Variants in TRPM3 observed in about 807,000 individuals in gnomAD.
TRPM3 encodes transient receptor potential cation channel subfamily M member 3.
A neutral mutation model predicts 181.2 loss-of-function variants in TRPM3; 77 were observed. The observed-to-expected ratio is 0.42, with a 90% CI of 0.35 to 0.51. The LOEUF (loss-of-function observed/expected upper bound fraction) is 0.51, where lower values mean the gene tolerates loss of function less well. Among genes scored for constraint, TRPM3 ranks in the 20% least tolerant of loss-of-function variants. The pLI is 0.01. For missense variants in TRPM3, 1,759 were observed against 2,196.7 expected (o/e 0.80, Z 3.98); for synonymous variants, 745 against 796.4 (o/e 0.94, Z 1.09).
chr9:70,626,397 AT>A (rs1328699571), intron 12 of TRPM3, among the ~76,000 whole-genome samples: 1 of 152,120 alleles, frequency 6.6e-6, no homozygotes. Context: ...CCTTAGATCT[AT>A]TTGGGACAGA....
chr9:71,232,350 G>A (rs112808707), intron 1 of TRPM3, among the ~76,000 whole-genome samples: 2,513 of 152,126 alleles, frequency 0.017, 41 homozygotes, highest in South Asian at 0.027. Flanking sequence ...AACTGAAGCC[G>A]ATATGATTCC....
At chr9:70,649,002 T>A (rs1414397374) in intron 9 of TRPM3, among the ~76,000 whole-genome samples, 1 of 152,154 alleles carries the variant, frequency 6.6e-6, no homozygotes, top group Non-Finnish European at 1.5e-5. Flanking sequence ...GAGACCTAAT[T>A]AACCTAAGGA....
At chr9:71,015,323 A>G (rs1308726207) in intron 1 of TRPM3, among the ~76,000 whole-genome samples, 2 of 152,336 alleles carry the variant, frequency 1.3e-5, no homozygotes, top group East Asian at 3.9e-4. Flanking sequence ...GTAGCTACTC[A>G]AAAGAGAATT....
intron 6 of TRPM3, among the ~76,000 whole-genome samples, chr9:70,798,169 A>G (rs2087766301): frequency 1.3e-5 from 2 of 152,122 alleles, no homozygotes; most frequent in African/African-American, 4.8e-5. Context: ...ATCCTCCAAC[A>G]TCAGCCTACA....
intron 19 of TRPM3, among the ~76,000 whole-genome samples, chr9:70,605,112 G>A (rs1478480259): frequency 1.3e-5 from 2 of 151,754 alleles, no homozygotes; most frequent in Admixed American, 6.6e-5. Context: ...CCATTACCAC[G>A]TCTGGCTAAT....
intron 21 of TRPM3, among the ~76,000 whole-genome samples, chr9:70,594,201 T>C: frequency 6.6e-6 from 1 of 151,838 alleles, no homozygotes; most frequent in Middle Eastern, 3.4e-3. Flanking sequence ...ATTTTATTTG[T>C]AAAATAGGAA....
intron 1 of TRPM3, among the ~76,000 whole-genome samples, chr9:71,018,042 TG>T (rs1412295997): frequency 6.6e-6 from 1 of 151,894 alleles, no homozygotes; most frequent in African/African-American, 2.4e-5. Flanking sequence ...GATCCCCCGC[TG>T]TTTAAGATCT....
chr9:71,330,808 A>G (rs1338152837), intron 1 of TRPM3, among the ~76,000 whole-genome samples: 5 of 151,826 alleles, frequency 3.3e-5, no homozygotes, highest in Admixed American at 3.3e-4. Context: ...CAGATACAGG[A>G]GGCAGAACCT....
chr9:71,138,977 T>G (rs1054822046), intron 1 of TRPM3, among the ~76,000 whole-genome samples: 1 of 152,208 alleles, frequency 6.6e-6, no homozygotes, highest in Non-Finnish European at 1.5e-5. Context: ...ATGATTAGTA[T>G]ATTTAAAGGG....
At chr9:71,208,338 A>G (rs2079255265) in intron 1 of TRPM3, among the ~76,000 whole-genome samples, 1 of 152,190 alleles carries the variant, frequency 6.6e-6, no homozygotes, top group African/African-American at 2.4e-5. Flanking sequence ...TTTGAACAAA[A>G]CATTCACAAA....
intron 18 of TRPM3, among the ~76,000 whole-genome samples, chr9:70,612,746 A>C (rs1280281483): frequency 6.6e-6 from 1 of 152,224 alleles, no homozygotes; most frequent in African/African-American, 2.4e-5. Context: ...AATTCTATAA[A>C]TATTGATCAT....
chr9:70,996,070 C>A (rs907667227), intron 1 of TRPM3, among the ~76,000 whole-genome samples: 6 of 152,062 alleles, frequency 3.9e-5, no homozygotes, highest in African/African-American at 1.4e-4. Context: ...CTTTTATAAT[C>A]ACAGAATCTA....
intron 1 of TRPM3, among the ~76,000 whole-genome samples, chr9:70,892,728 A>G (rs540329171): frequency 3.3e-4 from 50 of 152,162 alleles, no homozygotes; most frequent in Admixed American, 5.9e-4. Context: ...AGAGTTTTCA[A>G]TTAAAGAGGC....
rs2058551014 is a variant in TRPM3 at position 70,644,670 on chromosome 9, C to T, written c.1346-4010G>A. ...CACAAGACAAGTATGCCCTCTCTCA[C>T]CACTCCTATTCAACATAGTACTGGA... On this transcript the variant is annotated intron_variant, in intron 9 of 25. Transcript: ENST00000677713. Among the ~76,000 whole-genome samples, 3 of 152,262 alleles carry T rather than the reference C, an allele frequency of 2.0e-5. No individual in the cohort carries two copies. The South Asian group carries it at 6.2e-4, about 32-fold the overall frequency.
intron 1 of TRPM3, among the ~76,000 whole-genome samples, chr9:71,363,624 A>C (rs1273299770): frequency 6.6e-6 from 1 of 152,196 alleles, no homozygotes; most frequent in Non-Finnish European, 1.5e-5. Context: ...AGAAAACGTA[A>C]AAATGTGCTT....
chr9:70,866,041 C>A (rs1231111782), intron 1 of TRPM3, among the ~76,000 whole-genome samples: 1 of 151,994 alleles, frequency 6.6e-6, no homozygotes, highest in Non-Finnish European at 1.5e-5. Context: ...CTAGTGGCTA[C>A]CTCTTTGTAA....
At chr9:70,967,799 A>T (rs1401466717) in intron 1 of TRPM3, among the ~76,000 whole-genome samples, 1 of 152,082 alleles carries the variant, frequency 6.6e-6, no homozygotes, top group Non-Finnish European at 1.5e-5. Context: ...GGTTTTGAAA[A>T]TTTACCTTAT....
At chr9:70,544,776 A>G (rs1354998508) in intron 25 of TRPM3, among the ~76,000 whole-genome samples, 3 of 152,122 alleles carry the variant, frequency 2.0e-5, no homozygotes, top group Admixed American at 2.0e-4. Context: ...ATTTTATAGT[A>G]ATGAATACTA....
chr9:71,310,148 T>C (rs770826685), intron 1 of TRPM3, among the ~76,000 whole-genome samples: 3 of 152,050 alleles, frequency 2.0e-5, no homozygotes, highest in Non-Finnish European at 4.4e-5. Flanking sequence ...AGGATAAGAA[T>C]TTTAAATCAA....
Sources: allele counts gnomAD v4.1 joint callset (sites outside exome capture counted in the v4.1 genomes callset), GRCh38; gene constraint gnomAD v4.1.1; transcripts MANE v1.5; gene names NCBI Gene and HGNC (gene_info 2026-07-23, HGNC 2026-07-21).